PIK3C2G: variants seen among roughly 807,000 people sequenced by gnomAD.
PIK3C2G encodes the protein phosphatidylinositol-4-phosphate 3-kinase catalytic subunit type 2 gamma, also known as phosphatidylinositol 3-kinase C2 domain-containing subunit gamma.
In PIK3C2G, 168 loss-of-function variants were observed where a neutral mutation model predicts 181.1. The ratio of observed to expected loss-of-function variants is 0.93; its 90% CI spans 0.82 to 1.05. The LOEUF (loss-of-function observed/expected upper bound fraction) is 1.05, where lower values mean the gene tolerates loss of function less well. Among genes scored for constraint, PIK3C2G ranks in the 50% least tolerant of loss-of-function variants. The pLI is 0.00. For missense variants in PIK3C2G, 1,869 were observed against 1,732.8 expected, an observed-to-expected ratio of 1.08 and a Z score of -1.40; for synonymous variants, 573 against 592.2, an observed-to-expected ratio of 0.97 and a Z score of 0.47.
At chr12:18,520,768 G>A (rs754542065) in intron 24 of PIK3C2G, among the ~76,000 whole-genome samples, 1 of 152,108 alleles carries the variant, frequency 6.6e-6, no homozygotes, top group Non-Finnish European at 1.5e-5. Flanking sequence ...CTGGACAGGT[G>A]TTGCAGTCAG....
In PIK3C2G at chr12:18,313,984, A is replaced by T; in HGVS notation, c.1057A>T (p.Lys353Ter). 1 of 1,588,114 alleles carries T rather than the reference A, an allele frequency of 6.3e-7. No individual in the cohort carries two copies. Among genetic ancestry groups the T allele is most frequent in the South Asian group, 1.2e-5 (1 of 86,704 alleles). ...LQNDHCLGSH[K>*]MFQKDKSVIQ... ...CAGCGACCACTGTTTGGGGAGCCAC[A>T]AAATGTTTCAAAAAGATAAATCTGT... is the stretch of plus-strand genomic sequence containing the variant. The change falls in exon 6 of 33, where the codon AAA (lysine) becomes TAA (stop). Residue 353 changes from lysine (K) to a stop codon, truncating the protein, a stop_gained. Transcript: ENST00000538779. LOFTEE classifies it high-confidence loss of function.
chr12:18,362,718 T>C, intron 11 of PIK3C2G, 46 bp from the exon 12 acceptor site: 1 of 1,410,440 alleles, frequency 7.1e-7, no homozygotes, highest in Non-Finnish European at 9.3e-7. Flanking sequence ...GAAAGCTAGT[T>C]TCTTTAAAGT....
intron 31 of PIK3C2G, among the ~76,000 whole-genome samples, chr12:18,624,430 T>C (rs1398313605): frequency 2.0e-5 from 3 of 151,768 alleles, no homozygotes; most frequent in African/African-American, 7.2e-5. Context: ...GAATTTGATT[T>C]GCTAGTATTT....
intron 18 of PIK3C2G, among the ~76,000 whole-genome samples, chr12:18,463,265 T>A (rs1365424790): frequency 2.0e-5 from 3 of 152,158 alleles, no homozygotes; most frequent in African/African-American, 7.2e-5. Flanking sequence ...TCATGCATAC[T>A]TATAGTAGAG....
the PIK3C2G span, among the ~76,000 whole-genome samples, chr12:18,689,777 G>A: frequency 6.6e-6 from 1 of 152,280 alleles, no homozygotes; most frequent in South Asian, 2.1e-4. Context: ...GATTGCAGGT[G>A]ACGAAGAGTA....
At chr12:18,535,129 G>C (rs1405584564) in intron 24 of PIK3C2G, among the ~76,000 whole-genome samples, 1 of 151,946 alleles carries the variant, frequency 6.6e-6, no homozygotes, top group Non-Finnish European at 1.5e-5. Flanking sequence ...TATAACATAG[G>C]AATAGGTTTA....
chr12:18,479,597 A>T (rs1054656475), intron 18 of PIK3C2G, among the ~76,000 whole-genome samples: 2 of 152,222 alleles, frequency 1.3e-5, no homozygotes, highest in Non-Finnish European at 2.9e-5. Flanking sequence ...ATAATTTCAT[A>T]AAAGAATAAA....
intron 1 of PIK3C2G, among the ~76,000 whole-genome samples, chr12:18,278,267 T>A (rs1031473064): frequency 6.6e-6 from 1 of 152,152 alleles, no homozygotes; most frequent in African/African-American, 2.4e-5. Flanking sequence ...AAGGTAGAGA[T>A]CCCTTGACCA....
chr12:18,250,376 G>GA, intron 1 of PIK3C2G, among the ~76,000 whole-genome samples: 1 of 151,812 alleles, frequency 6.6e-6, no homozygotes. Context: ...ACTCCCAAAG[G>GA]GAAAAAACAT....
At chr12:18,440,650 A>G (rs1833945972) in intron 18 of PIK3C2G, among the ~76,000 whole-genome samples, 1 of 152,074 alleles carries the variant, frequency 6.6e-6, no homozygotes, top group Admixed American at 6.6e-5. Context: ...GAGGACAACA[A>G]TGGGGCTAAG....
intron 18 of PIK3C2G, among the ~76,000 whole-genome samples, chr12:18,459,649 C>A (rs934240847): frequency 1.3e-5 from 2 of 152,194 alleles, no homozygotes; most frequent in Non-Finnish European, 2.9e-5. Flanking sequence ...GAATCTGTTG[C>A]ATGCTTAACC....
chr12:18,559,821 TAGAGAGAG>T (rs1171468138), intron 26 of PIK3C2G, among the ~76,000 whole-genome samples: 117 of 18,310 alleles, frequency 6.4e-3, no homozygotes, highest in East Asian at 0.01. Context: ...TATATATATA[TAGAGAGAG>T]AGAGAGAGAG....
At chr12:18,463,340 C>G (rs1193363787) in intron 18 of PIK3C2G, among the ~76,000 whole-genome samples, 1 of 152,124 alleles carries the variant, frequency 6.6e-6, no homozygotes, top group Non-Finnish European at 1.5e-5. Context: ...GAAGCATTAC[C>G]TCCCTTTGAC....
the PIK3C2G span, among the ~76,000 whole-genome samples, chr12:18,706,002 G>C: frequency 2.0e-5 from 3 of 151,976 alleles, no homozygotes; most frequent in South Asian, 6.2e-4. Context: ...CGAGGCGGGT[G>C]GATCACCTGG....
At chr12:18,664,077 T>A in the PIK3C2G span, among the ~76,000 whole-genome samples, 1 of 151,942 alleles carries the variant, frequency 6.6e-6, no homozygotes, top group Non-Finnish European at 1.5e-5. Flanking sequence ...ATGGCTACTA[T>A]CAAAAACCAA....
intron 31 of PIK3C2G, among the ~76,000 whole-genome samples, chr12:18,616,364 A>G (rs112003825): frequency 2.2e-4 from 33 of 152,252 alleles, no homozygotes; most frequent in African/African-American, 7.7e-4. Flanking sequence ...TTAAGTGTAC[A>G]TCATGTGAAA....
downstream of PIK3C2G, among the ~76,000 whole-genome samples, chr12:18,650,694 G>T (rs1950427645): frequency 2.6e-5 from 1 of 38,862 alleles, no homozygotes; most frequent in Non-Finnish European, 3.9e-5. Context: ...GTGTGTGTGT[G>T]TGTGTGTGTG....
chr12:18,536,977 T>G (rs926015805), intron 24 of PIK3C2G, among the ~76,000 whole-genome samples: 1 of 151,994 alleles, frequency 6.6e-6, no homozygotes, highest in African/African-American at 2.4e-5. Context: ...TAGCATGGAT[T>G]ACAAAATAAA....
intron 1 of PIK3C2G, among the ~76,000 whole-genome samples, chr12:18,265,840 C>T (rs1047578797): frequency 5.3e-5 from 8 of 151,574 alleles, no homozygotes; most frequent in Non-Finnish European, 8.8e-5. Context: ...ATGATGAAAC[C>T]TCATCTCTAC....
Sources: gnomAD v4.1 joint callset for allele counts (sites outside exome capture counted in the v4.1 genomes callset) on GRCh38, gnomAD v4.1.1 for gene constraint, MANE v1.5 for transcripts, NCBI Gene and HGNC (gene_info 2026-07-23, HGNC 2026-07-21) for gene names.